Variants in RSU1 observed in about 807,000 individuals in gnomAD.
RSU1 encodes rsu-1.
Under a neutral mutation model 31.1 loss-of-function variants are expected in RSU1, and 26 were observed. The observed-to-expected ratio is 0.84, with a 90% CI of 0.61 to 1.16. The LOEUF is 1.16. Among genes scored for constraint, RSU1 ranks in the 50% most tolerant of loss-of-function variants. RSU1 has a pLI of 0.00. For missense variants in RSU1, 320 were observed against 339.1 expected (o/e 0.94, Z 0.44); for synonymous variants, 164 against 136.3 (o/e 1.20, Z -1.41).
chr10:16,625,288 G>A (rs968204675), intron 8 of RSU1, among the ~76,000 whole-genome samples: 3 of 152,216 alleles, frequency 2.0e-5, no homozygotes, highest in African/African-American at 4.8e-5. Flanking sequence ...CTTCTGTCTC[G>A]TGGGGTCTGG....
chr10:16,713,589 T>C (rs1418999576), intron 7 of RSU1, among the ~76,000 whole-genome samples: 3 of 152,240 alleles, frequency 2.0e-5, no homozygotes, highest in East Asian at 1.9e-4. Flanking sequence ...GGATGATGAA[T>C]TGTTTTCCTG....
chr10:16,802,856 T>C (rs1024158512), intron 2 of RSU1, among the ~76,000 whole-genome samples: 14 of 152,134 alleles, frequency 9.2e-5, no homozygotes, highest in South Asian at 6.2e-4. Context: ...CTTAGCAAAC[T>C]AGGAATAGAG....
chr10:16,764,502 G>A lies in RSU1; in HGVS notation c.169C>T (p.Pro57Ser). ...AAATTCTTCAGTTCTGCGATGTTCG[G>A]TGGCACCACTATGGAAACAAAAATG... is the stretch of plus-strand genomic sequence containing the variant. ...LSHNKLTMVPPNIAELKNLEV... is the reference protein window; with the variant it reads ...LSHNKLTMVPSNIAELKNLEV... Residue 57 changes from proline to serine, a missense_variant, in exon 4 of 9, where the codon CCG becomes TCG. By Grantham distance (74) the Pro-to-Ser change is moderately conservative. Coordinates refer to ENST00000345264, the MANE Select transcript of RSU1 (RefSeq NM_012425.4). 1.2e-6 allele frequency: 2 copies of A among 1,612,976 alleles called. No individual in the cohort carries two copies. The highest frequency in any genetic ancestry group is 8.5e-7 in the Non-Finnish European group (1 of 1,179,440).
chr10:16,698,853 T>C (rs1161706382), intron 7 of RSU1, among the ~76,000 whole-genome samples: 2 of 152,190 alleles, frequency 1.3e-5, no homozygotes, highest in African/African-American at 4.8e-5. Context: ...CTGCATATTT[T>C]AGCTGGGATG....
At chr10:16,648,651 A>T (rs1485087709) in intron 8 of RSU1, among the ~76,000 whole-genome samples, 1 of 152,162 alleles carries the variant, frequency 6.6e-6, no homozygotes, top group Non-Finnish European at 1.5e-5. Flanking sequence ...TGGGAAATTC[A>T]ATTATTCACT....
At chr10:16,617,106 C>T (rs1345736645) in intron 8 of RSU1, among the ~76,000 whole-genome samples, 2 of 152,278 alleles carry the variant, frequency 1.3e-5, no homozygotes, top group South Asian at 2.1e-4. Flanking sequence ...ATCCCCAAAA[C>T]TCATTAAGCT....
chr10:16,734,744 G>T (rs1319765182), intron 7 of RSU1, among the ~76,000 whole-genome samples: 1 of 152,178 alleles, frequency 6.6e-6, no homozygotes, highest in Non-Finnish European at 1.5e-5. Context: ...GCAGCAAAAA[G>T]TAAGAAACAT....
intron 7 of RSU1, among the ~76,000 whole-genome samples, chr10:16,716,999 T>G (rs1390773417): frequency 6.6e-6 from 1 of 152,238 alleles, no homozygotes; most frequent in Non-Finnish European, 1.5e-5. Flanking sequence ...TACTGAAGTT[T>G]AAATGTCATT....
At chr10:16,676,370 G>C (rs1835232375) in intron 8 of RSU1, among the ~76,000 whole-genome samples, 1 of 152,154 alleles carries the variant, frequency 6.6e-6, no homozygotes, top group Non-Finnish European at 1.5e-5. Context: ...GTGTGCAGGG[G>C]AACTGCCCTT....
At chr10:16,672,548 C>G (rs1219108605) in intron 8 of RSU1, among the ~76,000 whole-genome samples, 3 of 152,152 alleles carry the variant, frequency 2.0e-5, no homozygotes, top group African/African-American at 7.2e-5. Context: ...AAGATATCAA[C>G]TACTGATGCA....
intron 2 of RSU1, among the ~76,000 whole-genome samples, chr10:16,798,235 C>T (rs1473855343): frequency 6.6e-6 from 1 of 152,130 alleles, no homozygotes; most frequent in Non-Finnish European, 1.5e-5. Context: ...AATCAACATA[C>T]AGACCCCAGA....
At chr10:16,651,890 A>C (rs1834689877) in intron 8 of RSU1, among the ~76,000 whole-genome samples, 1 of 152,272 alleles carries the variant, frequency 6.6e-6, no homozygotes, top group Non-Finnish European at 1.5e-5. Context: ...AGGAAAACAA[A>C]ATAAAGTAAG....
intron 7 of RSU1, among the ~76,000 whole-genome samples, chr10:16,704,030 T>C (rs1195967727): frequency 6.6e-6 from 1 of 152,224 alleles, no homozygotes; most frequent in East Asian, 1.9e-4. Flanking sequence ...TAGTGGATGA[T>C]GGTGTTTCTG....
At chr10:16,678,848 TAC>T (rs1025326688) in intron 8 of RSU1, among the ~76,000 whole-genome samples, 1 of 152,012 alleles carries the variant, frequency 6.6e-6, no homozygotes, top group Non-Finnish European at 1.5e-5. Context: ...TCCATCCACT[TAC>T]AAGCACAATC....
intron 4 of RSU1, among the ~76,000 whole-genome samples, chr10:16,758,859 T>A (rs1373674806): frequency 6.6e-6 from 1 of 152,224 alleles, no homozygotes; most frequent in East Asian, 1.9e-4. Flanking sequence ...TAATCTCAGG[T>A]GACCTCAGGT....
At chr10:16,642,312 G>C (rs1380488725) in intron 8 of RSU1, among the ~76,000 whole-genome samples, 2 of 152,170 alleles carry the variant, frequency 1.3e-5, no homozygotes, top group African/African-American at 4.8e-5. Context: ...CAGAGAAGCT[G>C]TAGAAAAACA....
intron 2 of RSU1, among the ~76,000 whole-genome samples, chr10:16,811,084 A>T (rs539251812): frequency 6.6e-6 from 1 of 152,304 alleles, no homozygotes; most frequent in South Asian, 2.1e-4. Flanking sequence ...ACAATAATGT[A>T]CTATATTTTT....
At chr10:16,737,171 T>TAA (rs758007026) in intron 7 of RSU1, among the ~76,000 whole-genome samples, 267 of 149,202 alleles carry the variant, frequency 1.8e-3, no homozygotes, top group Non-Finnish European at 3.5e-3. Flanking sequence ...AATCAATCAA[T>TAA]AAAAAAAAAG....
intron 7 of RSU1, among the ~76,000 whole-genome samples, chr10:16,696,001 T>A (rs1203157010): frequency 3.3e-5 from 5 of 152,198 alleles, no homozygotes; most frequent in Non-Finnish European, 7.4e-5. Flanking sequence ...TGACTGTTTT[T>A]TTTTCTTTTT....
Sources: allele counts gnomAD v4.1 joint callset (sites outside exome capture counted in the v4.1 genomes callset), GRCh38; gene constraint gnomAD v4.1.1; transcripts MANE v1.5; gene names NCBI Gene and HGNC (gene_info 2026-07-23, HGNC 2026-07-21).